The following SBF2 variants were observed in gnomAD, a reference collection of about 807,000 sequenced individuals.
The protein encoded by SBF2 is SET binding factor 2, also known as myotubularin-related protein 13.
Under a neutral mutation model 225.2 loss-of-function variants are expected in SBF2, and 112 were observed. The observed-to-expected ratio is 0.50, with a 90% CI of 0.43 to 0.58. The LOEUF is 0.58. Among genes scored for constraint, SBF2 ranks in the 20% least tolerant of loss-of-function variants. The pLI is 0.00. For missense variants in SBF2, 1,996 were observed against 2,206.2 expected (o/e 0.90, Z 1.91); for synonymous variants, 763 against 773.3 (o/e 0.99, Z 0.22).
intron 1 of SBF2, among the ~76,000 whole-genome samples, chr11:10,244,987 A>G (rs754626455): frequency 6.6e-6 from 1 of 151,848 alleles, no homozygotes; most frequent in Non-Finnish European, 1.5e-5. Context: ...CAAAAAAATT[A>G]GCTGGGTGTG....
chr11:10,205,617 TAAC>T (rs1200367856), intron 1 of SBF2, among the ~76,000 whole-genome samples: 3 of 151,910 alleles, frequency 2.0e-5, no homozygotes, highest in Non-Finnish European at 2.9e-5. Context: ...GAAGTTCCAC[TAAC>T]AACACAGGGA....
At chr11:9,792,381 A>C (rs1852806102) in intron 33 of SBF2, among the ~76,000 whole-genome samples, 1 of 151,836 alleles carries the variant, frequency 6.6e-6, no homozygotes, top group African/African-American at 2.4e-5. Flanking sequence ...CAGTGAGCTG[A>C]GATCGTGCCA....
At chr11:9,994,522 T>C (rs1947594592) in intron 9 of SBF2, among the ~76,000 whole-genome samples, 1 of 146,726 alleles carries the variant, frequency 6.8e-6, no homozygotes, top group Non-Finnish European at 1.5e-5. Flanking sequence ...ATACACATAG[T>C]ATGGCCTAAT....
At chr11:10,298,504 T>C (rs1964568640), upstream of SBF2, among the ~76,000 whole-genome samples, 1 of 152,376 alleles carries the variant, frequency 6.6e-6, no homozygotes, top group South Asian at 2.1e-4. Flanking sequence ...TGGTTTGATC[T>C]GTACAGTCAT....
chr11:10,282,449 T>A (rs1162559838), intron 1 of SBF2, among the ~76,000 whole-genome samples: 2 of 152,042 alleles, frequency 1.3e-5, no homozygotes, highest in Middle Eastern at 6.3e-3. Context: ...ACCTCCTGAC[T>A]CACATGTCTA....
At chr11:9,813,590 T>G (rs1854307734) in intron 29 of SBF2, among the ~76,000 whole-genome samples, 1 of 152,306 alleles carries the variant, frequency 6.6e-6, no homozygotes, top group Admixed American at 6.5e-5. Flanking sequence ...CCTCCCAAAG[T>G]GCTGAGATTA....
At chr11:10,277,232 C>T (rs1436547639) in intron 1 of SBF2, among the ~76,000 whole-genome samples, 1 of 135,972 alleles carries the variant, frequency 7.4e-6, no homozygotes, top group Non-Finnish European at 1.6e-5. Context: ...CCAGCCTAGG[C>T]ATCACAAAGA....
At chr11:10,155,064 T>C (rs781247045) in intron 2 of SBF2, among the ~76,000 whole-genome samples, 6 of 152,334 alleles carry the variant, frequency 3.9e-5, no homozygotes, top group Non-Finnish European at 7.4e-5. Flanking sequence ...TGTTTTTGTG[T>C]TAAACTCCAC....
At chr11:10,028,371 G>A (rs1949124557) in intron 6 of SBF2, 81 bp downstream of exon 6, 8 of 873,076 alleles carry the variant, frequency 9.2e-6, no homozygotes, top group Non-Finnish European at 1.4e-5. Context: ...CTTGATTCAT[G>A]TGAGGTGATG....
At chr11:10,015,389 C>G (rs1027347670) in intron 6 of SBF2, among the ~76,000 whole-genome samples, 5 of 152,154 alleles carry the variant, frequency 3.3e-5, no homozygotes, top group African/African-American at 1.2e-4. Flanking sequence ...TAAAACAAGA[C>G]AAATTTATTA....
chr11:10,246,275 TTTTC>T (rs1308236885), intron 1 of SBF2, among the ~76,000 whole-genome samples: 3 of 152,190 alleles, frequency 2.0e-5, no homozygotes, highest in East Asian at 1.9e-4. Flanking sequence ...CACAGGTTTC[TTTTC>T]TTTCTTTCTT....
chr11:10,026,574 A>T (rs1949064291), intron 6 of SBF2, among the ~76,000 whole-genome samples: 2 of 151,992 alleles, frequency 1.3e-5, no homozygotes, highest in African/African-American at 4.8e-5. Flanking sequence ...CTATAAAACA[A>T]AAAAATTAAA....
At chr11:9,939,390 C>G (rs1451162831) in intron 16 of SBF2, among the ~76,000 whole-genome samples, 2 of 152,154 alleles carry the variant, frequency 1.3e-5, no homozygotes, top group Non-Finnish European at 2.9e-5. Context: ...GCCACTGCGC[C>G]CGGCCTAAAC....
intron 26 of SBF2, among the ~76,000 whole-genome samples, chr11:9,833,332 C>CT (rs944666286): frequency 2.0e-5 from 3 of 150,782 alleles, no homozygotes; most frequent in Admixed American, 6.6e-5. Flanking sequence ...AGAGTCATTT[C>CT]TTTTTTTTAG....
intron 2 of SBF2, among the ~76,000 whole-genome samples, chr11:10,182,797 C>G (rs559623069): frequency 6.6e-6 from 1 of 150,800 alleles, no homozygotes; most frequent in African/African-American, 2.4e-5. Flanking sequence ...TTTTTTGAGA[C>G]GGAGTCTTGC....
At chr11:9,959,747 T>G in intron 16 of SBF2, 1 of 676,934 alleles carries the variant, frequency 1.5e-6, no homozygotes, top group Non-Finnish European at 2.8e-6. Flanking sequence ...TACACCTGCT[T>G]GACGCCTCTG....
chr11:9,784,255 A>T, intron 38 of SBF2, 96 bp downstream of exon 38: 1 of 933,882 alleles, frequency 1.1e-6, no homozygotes, highest in Non-Finnish European at 1.8e-6. Context: ...AGCAGTCTGT[A>T]CATGAGGAAT....
chr11:10,231,447 C>G (rs1473272427), intron 1 of SBF2, among the ~76,000 whole-genome samples: 2 of 152,064 alleles, frequency 1.3e-5, no homozygotes, highest in Non-Finnish European at 2.9e-5. Context: ...CTTTATCTAC[C>G]TTTGGTCTTT....
At chr11:9,802,666 G>A (rs961781477) in intron 32 of SBF2, among the ~76,000 whole-genome samples, 7 of 152,316 alleles carry the variant, frequency 4.6e-5, no homozygotes, top group African/African-American at 1.4e-4. Context: ...CCAGAGTCAT[G>A]TAAAGCACTA....
Sources: gnomAD v4.1 joint callset for allele counts (sites outside exome capture counted in the v4.1 genomes callset) on GRCh38, gnomAD v4.1.1 for gene constraint, MANE v1.5 for transcripts, NCBI Gene and HGNC (gene_info 2026-07-23, HGNC 2026-07-21) for gene names.